Variants in DNAI7 observed in about 807,000 individuals in gnomAD.
DNAI7 encodes dynein axonemal intermediate chain 7, also known as cancer susceptibility 1.
In DNAI7, 78 loss-of-function variants were observed where a neutral mutation model predicts 86.6. The observed-to-expected ratio is 0.90, with a 90% CI of 0.75 to 1.09. The LOEUF (loss-of-function observed/expected upper bound fraction) is 1.09, where lower values mean the gene tolerates loss of function less well. DNAI7 is among the 50% of genes least tolerant of loss of function. DNAI7 has a pLI of 0.00. For missense variants in DNAI7, 753 were observed against 810.2 expected (o/e 0.93, Z 0.86); for synonymous variants, 274 against 273.0 (o/e 1.00, Z -0.04).
At chr12:25,136,166 C>T (rs1043039214) in intron 9 of DNAI7, among the ~76,000 whole-genome samples, 1 of 152,338 alleles carries the variant, frequency 6.6e-6, no homozygotes. Flanking sequence ...ACTTCATTCC[C>T]CTGCTACCTC....
intron 2 of DNAI7, among the ~76,000 whole-genome samples, chr12:25,179,973 T>C (rs1949348136): frequency 6.6e-6 from 1 of 152,136 alleles, no homozygotes; most frequent in Admixed American, 6.5e-5. Flanking sequence ...ATAAAAGGCA[T>C]CCAAATAGGA....
intron 2 of DNAI7, among the ~76,000 whole-genome samples, chr12:25,168,356 G>A (rs1480503642): frequency 2.0e-5 from 3 of 151,930 alleles, no homozygotes; most frequent in Admixed American, 6.6e-5. Context: ...ACACCGACAC[G>A]ACAAAAAAGA....
chr12:25,194,877 G>T (rs1780312385), intron 1 of DNAI7, 199 bp downstream of exon 1: 2 of 1,613,566 alleles, frequency 1.2e-6, no homozygotes, highest in South Asian at 2.2e-5. Context: ...ACTGGTTTGG[G>T]ACTCCTACCT....
intron 3 of DNAI7, among the ~76,000 whole-genome samples, chr12:25,159,448 AAG>A (rs1946592704): frequency 1.3e-5 from 2 of 152,234 alleles, no homozygotes; most frequent in Admixed American, 1.3e-4. Flanking sequence ...AAAAAAAAGA[AAG>A]AAAGTAACAT....
intron 2 of DNAI7, among the ~76,000 whole-genome samples, chr12:25,175,596 C>A (rs1259357123): frequency 6.6e-6 from 1 of 151,868 alleles, no homozygotes; most frequent in African/African-American, 2.4e-5. Flanking sequence ...GATCCACCCA[C>A]CTTGGCTTCC....
chr12:25,160,259 T>C (rs146551299), intron 3 of DNAI7, among the ~76,000 whole-genome samples: 111 of 152,344 alleles, frequency 7.3e-4, no homozygotes, highest in African/African-American at 2.5e-3. Flanking sequence ...GGATGCTCAG[T>C]TGAATTTGAA....
At chr12:25,108,899 T>A in intron 15 of DNAI7, 76 bp from the exon 16 acceptor site, 2 of 885,168 alleles carry the variant, frequency 2.3e-6, no homozygotes, top group Non-Finnish European at 3.2e-6. Flanking sequence ...GATTATTATT[T>A]GAAGGGCTCA....
At chr12:25,148,264 G>A (rs1473296045) in intron 7 of DNAI7, among the ~76,000 whole-genome samples, 1 of 152,088 alleles carries the variant, frequency 6.6e-6, no homozygotes, top group Non-Finnish European at 1.5e-5. Flanking sequence ...AGGTCTAGGG[G>A]TTTAACTGGA....
intron 7 of DNAI7, among the ~76,000 whole-genome samples, chr12:25,148,342 C>T (rs1331390832): frequency 1.3e-5 from 2 of 152,008 alleles, no homozygotes; most frequent in Admixed American, 6.6e-5. Context: ...TGCATTCTAT[C>T]GAAGACATAT....
chr12:25,185,781 G>C, intron 2 of DNAI7: 1 of 983,658 alleles, frequency 1.0e-6, no homozygotes. Flanking sequence ...TGTGATGACA[G>C]TGTTCCTAAA....
At position 25,149,758 on chromosome 12, in the gene DNAI7, T is replaced by G; in HGVS notation, c.455A>C (p.Lys152Thr). 6.6e-7 allele frequency: 1 copy of G among 1,514,690 alleles called. No individual in the cohort carries two copies. Among genetic ancestry groups the G allele is most frequent in the Non-Finnish European group, 9.1e-7 (1 of 1,095,244 alleles). 93.8% of individuals were successfully genotyped at this position (1,514,690 alleles called of 1,614,324 possible). Reference sequence around the variant, plus strand: ...TGGTGGAGTTTCCAGTAAAATAAATTTCAATTTCTCAATTAACTGTAAAGT... The same window carrying G: ...TGGTGGAGTTTCCAGTAAAATAAATGTCAATTTCTCAATTAACTGTAAAGT... ...KVVLNLIEKLKFILLETPPCD... is the reference protein window; with the variant it reads ...KVVLNLIEKLTFILLETPPCD... Residue 152 changes from lysine (K) to threonine (T), a missense_variant, in exon 7 of 16, where the codon AAA becomes ACA. Physicochemically the swap from Lys to Thr is moderately conservative, Grantham distance 78. Coordinates refer to ENST00000395987, the MANE Select transcript of DNAI7 (RefSeq NM_018272.5).
chr12:25,174,562 CATATATATGGGATATATAT>C (rs1948689338), intron 2 of DNAI7, among the ~76,000 whole-genome samples: 1 of 39,974 alleles, frequency 2.5e-5, no homozygotes, highest in Non-Finnish European at 4.7e-5. Flanking sequence ...ATATATATAT[CATATATATGGGATATATAT>C]CATATATATG....
chr12:25,113,278 G>A (rs1423719863), intron 13 of DNAI7, among the ~76,000 whole-genome samples: 1 of 120,938 alleles, frequency 8.3e-6, no homozygotes, highest in Non-Finnish European at 1.7e-5. Context: ...TGTTGTTGTT[G>A]CTGTTGTTGT....
intron 12 of DNAI7, among the ~76,000 whole-genome samples, chr12:25,115,433 G>A (rs951752832): frequency 6.6e-6 from 1 of 152,032 alleles, no homozygotes; most frequent in African/African-American, 2.4e-5. Flanking sequence ...CCAGCCCCAG[G>A]CAACGATTAA....
chr12:25,167,693 C>T (rs371256179), intron 2 of DNAI7, among the ~76,000 whole-genome samples: 3 of 152,274 alleles, frequency 2.0e-5, no homozygotes, highest in East Asian at 3.9e-4. Context: ...ACAGCCCTCA[C>T]CTTTACCCTC....
intron 3 of DNAI7, 56 bp downstream of exon 3, chr12:25,161,057 C>A: frequency 2.3e-6 from 3 of 1,317,074 alleles, no homozygotes; most frequent in South Asian, 1.3e-5. Context: ...TACAAAAGAC[C>A]AACCTATCGT....
At chr12:25,108,918 C>G in intron 15 of DNAI7, 95 bp from the exon 16 acceptor site, 1 of 741,160 alleles carries the variant, frequency 1.3e-6, no homozygotes, top group East Asian at 2.9e-5. Context: ...CAATTTATCC[C>G]CCAAAATTGC....
intron 2 of DNAI7, among the ~76,000 whole-genome samples, chr12:25,185,419 A>G (rs1164427735): frequency 6.6e-6 from 1 of 152,230 alleles, no homozygotes; most frequent in Non-Finnish European, 1.5e-5. Context: ...TATCACTTTC[A>G]CCAAAATCTT....
At chr12:25,153,809 G>GT (rs200831192) in intron 6 of DNAI7, among the ~76,000 whole-genome samples, 9 of 151,874 alleles carry the variant, frequency 5.9e-5, no homozygotes, top group Non-Finnish European at 1.0e-4. Flanking sequence ...TAATAAATTA[G>GT]TTTTTTTTCC....
Sources: allele counts gnomAD v4.1 joint callset (sites outside exome capture counted in the v4.1 genomes callset), GRCh38; gene constraint gnomAD v4.1.1; transcripts MANE v1.5; gene names NCBI Gene and HGNC (gene_info 2026-07-23, HGNC 2026-07-21).